The following TMEM163 variants were observed in gnomAD, a reference collection of about 807,000 sequenced individuals.
The protein encoded by TMEM163 is transmembrane protein 163.
TMEM163 carries 17 observed loss-of-function variants against 29.3 expected under a neutral mutation model. The ratio of observed to expected loss-of-function variants is 0.58; its 90% CI spans 0.40 to 0.87. The LOEUF (loss-of-function observed/expected upper bound fraction) is 0.87. TMEM163 is among the 40% of genes least tolerant of loss of function. The pLI, the probability that TMEM163 is intolerant of heterozygous loss-of-function variation, is 0.00. For missense variants in TMEM163, 303 were observed against 381.5 expected (o/e 0.79, Z 1.71); for synonymous variants, 157 against 160.6 (o/e 0.98, Z 0.17).
At position 134,456,771 on chromosome 2, in the gene TMEM163, A is replaced by C. The variant is rs1304980426; in HGVS notation, c.815T>G (p.Leu272Arg). 3 of 1,613,642 alleles carry C rather than the reference A, an allele frequency of 1.9e-6. No individual in the cohort carries two copies. Among genetic ancestry groups the C allele is most frequent in the Non-Finnish European group, 2.5e-6 (3 of 1,179,872 alleles). Residue 272 changes from leucine (L) to arginine (R), a missense_variant, in exon 8 of 8, where the codon CTC (leucine) becomes CGC (arginine). Coordinates refer to ENST00000281924, the MANE Select transcript of TMEM163 (RefSeq NM_030923.5). ...LTIFAYGVKLLIDMVPRVRQT... is the reference protein window; with the variant it reads ...LTIFAYGVKLRIDMVPRVRQT... ...CCTCACCCTCGGCACCATGTCGATG[A>C]GGAGTCTGCAAAGACGAAGACAGAC... is the stretch of plus-strand genomic sequence containing the variant.
intron 2 of TMEM163, among the ~76,000 whole-genome samples, chr2:134,590,062 T>C (rs751250116): frequency 1.3e-5 from 2 of 151,844 alleles, no homozygotes; most frequent in Non-Finnish European, 2.9e-5. Context: ...CAGTCACTCA[T>C]AAAATTCCCA....
intron 2 of TMEM163, among the ~76,000 whole-genome samples, chr2:134,671,561 C>G (rs2104866992): frequency 6.6e-6 from 1 of 152,336 alleles, no homozygotes; most frequent in East Asian, 1.9e-4. Flanking sequence ...TGCCACAGCT[C>G]TCTGCTCCTT....
chr2:134,476,836 G>A (rs183142451), intron 5 of TMEM163, among the ~76,000 whole-genome samples: 1 of 152,304 alleles, frequency 6.6e-6, no homozygotes, highest in East Asian at 1.9e-4. Flanking sequence ...CACTGACCCT[G>A]TAGTATGGCC....
chr2:134,643,674 A>AGG (rs1278836812), intron 2 of TMEM163, among the ~76,000 whole-genome samples: 1 of 151,554 alleles, frequency 6.6e-6, no homozygotes, highest in African/African-American at 2.4e-5. Context: ...TAAAAAAAAA[A>AGG]CAACTCTTAG....
At chr2:134,509,200 T>C (rs1302418309) in intron 4 of TMEM163, among the ~76,000 whole-genome samples, 1 of 152,246 alleles carries the variant, frequency 6.6e-6, no homozygotes, top group Admixed American at 6.5e-5. Flanking sequence ...TACTGAGTAT[T>C]GCAAATGTGG....
chr2:134,542,545 C>T (rs554437391), intron 4 of TMEM163, among the ~76,000 whole-genome samples: 76 of 152,320 alleles, frequency 5.0e-4, no homozygotes, highest in African/African-American at 1.7e-3. Context: ...GCCTGGGCTC[C>T]ACCTCCTGTC....
chr2:134,492,451 A>C (rs1425529611), intron 5 of TMEM163, among the ~76,000 whole-genome samples: 3 of 152,198 alleles, frequency 2.0e-5, no homozygotes, highest in Non-Finnish European at 4.4e-5. Flanking sequence ...TGTTACCAAA[A>C]GCCAGAGACT....
intron 2 of TMEM163, among the ~76,000 whole-genome samples, chr2:134,573,514 G>A (rs937572223): frequency 6.6e-6 from 1 of 152,144 alleles, no homozygotes; most frequent in Non-Finnish European, 1.5e-5. Context: ...CTGCTAAACA[G>A]CCTACAAGGT....
chr2:134,496,064 AT>A (rs57512015), intron 5 of TMEM163, among the ~76,000 whole-genome samples: 19,454 of 144,118 alleles, frequency 0.13, 1,478 homozygotes, highest in Middle Eastern at 0.3. Flanking sequence ...AGGCTTAACT[AT>A]TTTTTTTTTT....
intron 2 of TMEM163, among the ~76,000 whole-genome samples, chr2:134,686,696 A>G (rs1434418623): frequency 6.6e-6 from 1 of 152,214 alleles, no homozygotes; most frequent in Non-Finnish European, 1.5e-5. Flanking sequence ...ATACTAAGAA[A>G]TTTGGAGGCG....
chr2:134,703,381 A>G (rs2104893631), intron 2 of TMEM163, among the ~76,000 whole-genome samples: 1 of 152,328 alleles, frequency 6.6e-6, no homozygotes, highest in Non-Finnish European at 1.5e-5. Context: ...TGAGGTTAGA[A>G]AAGAAATGCT....
chr2:134,516,660 T>TTCATACATATAC (rs1680066227), intron 4 of TMEM163, among the ~76,000 whole-genome samples: 1 of 147,518 alleles, frequency 6.8e-6, no homozygotes, highest in Non-Finnish European at 1.5e-5. Context: ...CATACATATA[T>TTCATACATATAC]TCATACATAT....
chr2:134,676,455 T>C (rs902940179), intron 2 of TMEM163, among the ~76,000 whole-genome samples: 2 of 152,216 alleles, frequency 1.3e-5, no homozygotes, highest in Admixed American at 6.5e-5. Flanking sequence ...GCAGTAGATA[T>C]AGATATATAT....
chr2:134,689,140 G>A (rs60835993), intron 2 of TMEM163, among the ~76,000 whole-genome samples: 5,024 of 139,820 alleles, frequency 0.036, 287 homozygotes, highest in African/African-American at 0.13. Flanking sequence ...ATGGAGTCTC[G>A]CTCTGTCACC....
rs1427458270 is a variant in TMEM163, at chr2:134,535,041, C to T, written c.458+15529G>A. The stretch of plus-strand genomic sequence containing the variant: ...ACTTGTCAACAGACACCTCACACCA[C>T]TACTATTTTGGAAAAGTACTCAATT... On this transcript the variant is annotated intron_variant, in intron 4 of 7. Transcript: ENST00000281924. Among the ~76,000 whole-genome samples the T allele has an allele frequency of 3.9e-5, 6 of 152,206 alleles. No individual in the cohort carries two copies. The East Asian group carries it at 7.7e-4, about 20-fold the overall frequency.
intron 2 of TMEM163, among the ~76,000 whole-genome samples, chr2:134,685,916 G>A (rs918058158): frequency 6.6e-6 from 1 of 152,110 alleles, no homozygotes; most frequent in African/African-American, 2.4e-5. Context: ...TAAGCAAAAA[G>A]GAAATGTATT....
At chr2:134,661,230 G>A (rs747423342) in intron 2 of TMEM163, among the ~76,000 whole-genome samples, 2 of 152,058 alleles carry the variant, frequency 1.3e-5, no homozygotes, top group East Asian at 1.9e-4. Context: ...TGTCACTTGA[G>A]TATGCAGCAA....
chr2:134,702,665 T>G (rs1684727736), intron 2 of TMEM163, among the ~76,000 whole-genome samples: 1 of 149,530 alleles, frequency 6.7e-6, no homozygotes, highest in Non-Finnish European at 1.5e-5. Context: ...ATAAATTAAT[T>G]AATTAAAAAT....
intron 2 of TMEM163, among the ~76,000 whole-genome samples, chr2:134,702,957 A>G (rs1212687087): frequency 6.6e-6 from 1 of 152,220 alleles, no homozygotes; most frequent in Non-Finnish European, 1.5e-5. Flanking sequence ...AATGACAATA[A>G]AATGAAGCAA....
Sources: allele counts gnomAD v4.1 joint callset (sites outside exome capture counted in the v4.1 genomes callset), GRCh38; gene constraint gnomAD v4.1.1; transcripts MANE v1.5; gene names NCBI Gene and HGNC (gene_info 2026-07-23, HGNC 2026-07-21).